ZNF827: variants seen among roughly 807,000 people sequenced by gnomAD.
ZNF827 encodes zinc finger protein 827.
Under a neutral mutation model 102.4 loss-of-function variants are expected in ZNF827, and 13 were observed. The observed-to-expected ratio is 0.13, with a 90% confidence interval of 0.08 to 0.20. ZNF827 has a LOEUF of 0.20. Ranked by LOEUF, ZNF827 falls within the 10% of genes least tolerant of loss-of-function variation. ZNF827 has a pLI of 1.00. For missense variants in ZNF827, 1,103 were observed against 1,344.4 expected, an observed-to-expected ratio of 0.82 and a Z score of 2.81; for synonymous variants, 523 against 536.2, an observed-to-expected ratio of 0.98 and a Z score of 0.34.
chr4:145,901,636 T>C (rs1187042532), intron 2 of ZNF827, among the ~76,000 whole-genome samples: 1 of 152,232 alleles, frequency 6.6e-6, no homozygotes, highest in Non-Finnish European at 1.5e-5. Context: ...TGAAAAGGGC[T>C]TAAATTCCAC....
At chr4:145,863,733 T>C (rs915118472) in intron 5 of ZNF827, among the ~76,000 whole-genome samples, 6 of 137,066 alleles carry the variant, frequency 4.4e-5, no homozygotes, top group African/African-American at 8.3e-5. Context: ...GGGGTGGAGG[T>C]GGTGGGGATA....
chr4:145,766,436 G>GA (rs1462930012), intron 11 of ZNF827, among the ~76,000 whole-genome samples: 1 of 152,326 alleles, frequency 6.6e-6, no homozygotes, highest in Admixed American at 6.5e-5. Context: ...AGTGGCCCCT[G>GA]AGAGACAGGA....
intron 1 of ZNF827, chr4:145,906,934 G>A (rs1221666503): frequency 4.9e-6 from 2 of 406,714 alleles, no homozygotes; most frequent in Non-Finnish European, 9.5e-6. Context: ...TCACTTTTCT[G>A]AAGATGCTGC....
chr4:145,879,118 T>C (rs1481444484), intron 4 of ZNF827, among the ~76,000 whole-genome samples: 1 of 151,436 alleles, frequency 6.6e-6, no homozygotes, highest in Non-Finnish European at 1.5e-5. Flanking sequence ...TTTGCTCAAC[T>C]GAGAAAAAAA....
chr4:145,859,582 G>A (rs1258844840), intron 5 of ZNF827, among the ~76,000 whole-genome samples: 2 of 152,150 alleles, frequency 1.3e-5, no homozygotes, highest in African/African-American at 2.4e-5. Flanking sequence ...ATATTCCCCT[G>A]ATGTATTTTG....
At chr4:145,770,613 T>A (rs1056628020) in intron 11 of ZNF827, among the ~76,000 whole-genome samples, 2 of 151,944 alleles carry the variant, frequency 1.3e-5, no homozygotes, top group Admixed American at 6.6e-5. Flanking sequence ...ATAATAATGA[T>A]AACTAATACT....
intron 8 of ZNF827, among the ~76,000 whole-genome samples, chr4:145,805,325 A>G (rs1358757117): frequency 6.6e-6 from 1 of 152,166 alleles, no homozygotes; most frequent in Non-Finnish European, 1.5e-5. Flanking sequence ...ACTTTTTCCC[A>G]TAAGTATTCA....
At chr4:145,901,007 C>T (rs566832434) in intron 2 of ZNF827, among the ~76,000 whole-genome samples, 9 of 152,110 alleles carry the variant, frequency 5.9e-5, no homozygotes, top group East Asian at 1.9e-4. Context: ...CCATTTTCCT[C>T]GTTGTCTTCT....
Position 145,870,322 on chromosome 4 carries a change from G to A in ZNF827, c.1904C>T (p.Pro635Leu), listed in dbSNP as rs750969979. ...TAGCACACTTCCCTTCCCTTCCTGG[G>A]GCTTTAGTGCGTCCTCAGAGACGCC... ...APGVSEDALK[P>L]QEGKGSVLRR... is the part of the protein sequence containing the mutation. The change falls in exon 5 of 15, where the codon CCC becomes CTC. Residue 635 changes from proline to leucine, a missense_variant. Around this residue, in one of 5 missense-constraint regions of ZNF827, gnomAD observed 243 missense variants for 251.6 expected, o/e 0.97. Transcript: ENST00000508784. The A allele has an allele frequency of 1.2e-6, 2 of 1,613,966 alleles. No individual in the cohort carries two copies. Among genetic ancestry groups the A allele is most frequent in the African/African-American group, 2.7e-5 (2 of 74,892 alleles).
intron 8 of ZNF827, among the ~76,000 whole-genome samples, chr4:145,822,765 A>G (rs1743269787): frequency 6.6e-6 from 1 of 152,210 alleles, no homozygotes; most frequent in South Asian, 2.1e-4. Context: ...CTGAGAACAC[A>G]CACATAAGCC....
At chr4:145,865,026 C>A (rs913147795) in intron 5 of ZNF827, among the ~76,000 whole-genome samples, 8 of 152,266 alleles carry the variant, frequency 5.3e-5, no homozygotes, top group East Asian at 1.9e-4. Context: ...TAAGCTAAAT[C>A]TCTAATTAAC....
chr4:145,937,557 C>T (rs868489761), intron 1 of ZNF827, among the ~76,000 whole-genome samples: 29 of 147,084 alleles, frequency 2.0e-4, no homozygotes, highest in Middle Eastern at 3.4e-3. Flanking sequence ...CGCCCCCCGC[C>T]CGGCCGCCCC....
At position 145,765,460 on chromosome 4, in the gene ZNF827, A is replaced by C; in HGVS notation, c.3052+87T>G. ...ATCCTGGGCCTATTATCAGTTTTTG[A>C]CATCGCTCCTGTGCAGGGCTTATTC... On this transcript the variant is annotated intron_variant, in intron 12 of 14. Transcript: ENST00000508784. The surrounding 1 kb of genome is among the most constrained non-coding windows in gnomAD (Gnocchi z 4.7). 6.8e-7 allele frequency: 1 copy of C among 1,461,140 alleles called. No individual in the cohort carries two copies. The highest frequency in any genetic ancestry group is 9.2e-7 in the Non-Finnish European group (1 of 1,089,554). The allele number at this position is 1,461,140 out of a possible 1,614,324, so 90.5% of individuals were successfully genotyped here.
At chr4:145,859,545 T>C (rs969924826) in intron 5 of ZNF827, among the ~76,000 whole-genome samples, 1 of 152,142 alleles carries the variant, frequency 6.6e-6, no homozygotes, top group East Asian at 1.9e-4. Context: ...CACTTCCCCA[T>C]AGTTTCTGGA....
intron 7 of ZNF827, among the ~76,000 whole-genome samples, chr4:145,827,102 T>C (rs1743762285): frequency 6.6e-6 from 1 of 152,204 alleles, no homozygotes. Context: ...GACTACTGCA[T>C]TATCCCTATT....
At chr4:145,892,134 T>C (rs1750654492) in intron 3 of ZNF827, 109 bp downstream of exon 3, 8 of 1,080,124 alleles carry the variant, frequency 7.4e-6, no homozygotes, top group Non-Finnish European at 9.1e-6. Flanking sequence ...TCCGCATGTT[T>C]CATCAGTGAG....
At chr4:145,849,679 C>T (rs1008330203) in intron 5 of ZNF827, 118 bp from the exon 6 acceptor site, 76 of 1,453,282 alleles carry the variant, frequency 5.2e-5, no homozygotes, top group East Asian at 6.8e-5. Context: ...GAAAAATGAG[C>T]GTGCACGGCA....
intron 8 of ZNF827, among the ~76,000 whole-genome samples, chr4:145,821,737 TAAGCTTTTA>T (rs529157246): frequency 4.3e-4 from 66 of 152,268 alleles, no homozygotes; most frequent in African/African-American, 1.6e-3. Context: ...AAATAAGAGT[TAAGCTTTTA>T]AAGTGTGAGT....
At position 145,908,379 on chromosome 4, in the gene ZNF827, C is replaced by G. The variant is rs181073651; in HGVS notation, c.44-5164G>C. On this transcript the variant is annotated intron_variant, in intron 1 of 14. Coordinates refer to ENST00000508784, the MANE Select transcript of ZNF827 (RefSeq NM_001306215.2). Reference sequence around the variant, plus strand: ...GAGAGATGCTTTCTCACGGTCAACTCTCTAACAATCAGTGTCTCCAACACT... The same window carrying G: ...GAGAGATGCTTTCTCACGGTCAACTGTCTAACAATCAGTGTCTCCAACACT... 1.8e-4 allele frequency among the ~76,000 whole-genome samples: 28 copies of G among 152,294 alleles called. No homozygotes were observed. The East Asian group carries it at 5.4e-3, about 29-fold the overall frequency.
Sources: gnomAD v4.1 joint callset for allele counts (sites outside exome capture counted in the v4.1 genomes callset) on GRCh38, gnomAD v4.1.1 for gene constraint, gnomAD v4.1.1 regional missense constraint, Gnocchi (gnomAD v3.1) non-coding constraint, MANE v1.5 for transcripts, NCBI Gene and HGNC (gene_info 2026-07-23, HGNC 2026-07-21) for gene names.